POU2F1: variants seen among roughly 807,000 people sequenced by gnomAD.
The protein encoded by POU2F1 is POU class 2 homeobox 1, also known as POU domain, class 2, transcription factor 1.
A neutral mutation model predicts 84.9 loss-of-function variants in POU2F1; 16 were observed. The ratio of observed to expected loss-of-function variants is 0.19; its 90% confidence interval spans 0.13 to 0.29. POU2F1 has a LOEUF of 0.29. POU2F1 is among the 10% of genes least tolerant of loss of function. The pLI is 1.00. For missense variants in POU2F1, 738 were observed against 942.6 expected (o/e 0.78, Z 2.84); for synonymous variants, 368 against 368.3 (o/e 1.00, Z 0.01).
intron 1 of POU2F1, among the ~76,000 whole-genome samples, chr1:167,292,257 A>T (rs564021912): frequency 6.6e-6 from 1 of 152,216 alleles, no homozygotes; most frequent in Non-Finnish European, 1.5e-5. Flanking sequence ...TCAAGATAGG[A>T]TCTTGGTTTG....
At position 167,333,047 on chromosome 1, in the gene POU2F1, C is replaced by T. The variant is rs146673818; in HGVS notation, c.127+512C>T. Among the ~76,000 whole-genome samples the T allele has an allele frequency of 5.7e-3, 875 of 152,226 alleles. 13 individuals are homozygous for T. Among genetic ancestry groups the T allele is most frequent in the African/African-American group, 0.02 (823 of 41,528 alleles). Reference sequence around the variant, plus strand: ...GTAAATTTTATCTGCCCTACCTTTGCTATAAATTATATTAAAAGTTATGAT... The same window carrying T: ...GTAAATTTTATCTGCCCTACCTTTGTTATAAATTATATTAAAAGTTATGAT... On this transcript the variant is annotated intron_variant, in intron 2 of 15. Coordinates refer to ENST00000367866, the MANE Select transcript of POU2F1 (RefSeq NM_002697.4).
chr1:167,371,665 A>G (rs970106642), intron 4 of POU2F1, among the ~76,000 whole-genome samples: 1 of 152,218 alleles, frequency 6.6e-6, no homozygotes, highest in Non-Finnish European at 1.5e-5. Context: ...GGGCTATGAA[A>G]AAAATCTATA....
intron 13 of POU2F1, 118 bp from the exon 14 acceptor site, chr1:167,411,841 C>A: frequency 1.1e-6 from 1 of 927,108 alleles, no homozygotes; most frequent in Non-Finnish European, 1.6e-6. Flanking sequence ...TATTAAAGGA[C>A]AGCTTTACTA....
intron 2 of POU2F1, among the ~76,000 whole-genome samples, chr1:167,339,994 G>A (rs1657726089): frequency 6.6e-6 from 1 of 152,064 alleles, no homozygotes; most frequent in Admixed American, 6.5e-5. Context: ...TTATAAATAA[G>A]GGTCTCTTTT....
chr1:167,255,498 G>A (rs1459045046), intron 1 of POU2F1, among the ~76,000 whole-genome samples: 2 of 152,180 alleles, frequency 1.3e-5, no homozygotes, highest in Non-Finnish European at 2.9e-5. Flanking sequence ...TAGTTTTTAT[G>A]GTGCTGAAAA....
chr1:167,363,539 T>G (rs534373328), intron 2 of POU2F1, among the ~76,000 whole-genome samples: 1 of 152,296 alleles, frequency 6.6e-6, no homozygotes, highest in African/African-American at 2.4e-5. Context: ...ATGTGGCTTA[T>G]GGAAGTGACT....
At chr1:167,234,252 G>T (rs1226015892) in intron 1 of POU2F1, among the ~76,000 whole-genome samples, 1 of 152,186 alleles carries the variant, frequency 6.6e-6, no homozygotes, top group African/African-American at 2.4e-5. Context: ...GTGTGCTCTA[G>T]AATCAATTGT....
chr1:167,348,608 T>G (rs1658352537), intron 2 of POU2F1, among the ~76,000 whole-genome samples: 1 of 152,158 alleles, frequency 6.6e-6, no homozygotes, highest in Non-Finnish European at 1.5e-5. Context: ...AACTGAAACC[T>G]CCTCCTTTTT....
rs1647780007 is a variant in POU2F1, at chr1:167,384,094, G to C, written c.813+143G>C. The stretch of plus-strand genomic sequence containing the variant: ...CAGAAAATCAAAGCTAGGCTTATCA[G>C]CTCAATGCTACCAAATCAATATAGT... On this transcript the variant is annotated intron_variant, in intron 8 of 15. Transcript: ENST00000367866. 9.5e-6 allele frequency: 6 copies of C among 628,708 alleles called. No homozygotes were observed. The East Asian group carries it at 1.8e-4, about 19-fold the overall frequency. The allele number at this position is 628,708 out of a possible 1,614,324, so 38.9% of individuals were successfully genotyped here.
intron 6 of POU2F1, 41 bp downstream of exon 6, chr1:167,374,337 A>G (rs1290555700): frequency 6.6e-6 from 10 of 1,515,404 alleles, no homozygotes; most frequent in Non-Finnish European, 8.9e-6. Context: ...CAAGTGAGGA[A>G]TAAAGTGGCA....
intron 1 of POU2F1, among the ~76,000 whole-genome samples, chr1:167,327,916 G>A (rs111818366): frequency 3.3e-5 from 5 of 152,216 alleles, no homozygotes; most frequent in African/African-American, 1.2e-4. Flanking sequence ...AAAGAAAGGG[G>A]TAATAATGCT....
intron 13 of POU2F1, among the ~76,000 whole-genome samples, chr1:167,401,942 A>G (rs1049320811): frequency 2.6e-5 from 4 of 152,110 alleles, no homozygotes; most frequent in Admixed American, 6.5e-5. Context: ...TTGTATGTCA[A>G]TTTTCTTGGA....
intron 2 of POU2F1, among the ~76,000 whole-genome samples, chr1:167,344,892 A>G (rs1011703488): frequency 3.9e-5 from 6 of 152,180 alleles, no homozygotes; most frequent in African/African-American, 1.4e-4. Flanking sequence ...ATAAAAAGGA[A>G]TGAGATCGTG....
At chr1:167,287,420 A>G (rs1336176645) in intron 1 of POU2F1, among the ~76,000 whole-genome samples, 1 of 152,214 alleles carries the variant, frequency 6.6e-6, no homozygotes, top group Admixed American at 6.5e-5. Context: ...GTTTTCCAAT[A>G]TTAGCCTGTA....
intron 1 of POU2F1, among the ~76,000 whole-genome samples, chr1:167,318,734 C>T (rs1347183434): frequency 6.6e-6 from 1 of 152,118 alleles, no homozygotes; most frequent in Non-Finnish European, 1.5e-5. Flanking sequence ...AAATCCTAAA[C>T]AAATATTCAT....
chr1:167,379,885 G>C (rs1268742588), intron 7 of POU2F1: 1 of 151,940 alleles, frequency 6.6e-6, no homozygotes, highest in Admixed American at 6.5e-5. Flanking sequence ...TGATTTTTTG[G>C]TACTTGCAAA....
At chr1:167,393,164 A>T (rs991688105) in intron 9 of POU2F1, among the ~76,000 whole-genome samples, 1 of 152,188 alleles carries the variant, frequency 6.6e-6, no homozygotes, top group East Asian at 1.9e-4. Context: ...GATATAATAT[A>T]GTTAAGATTA....
At chr1:167,250,990 G>C (rs2102403587) in intron 1 of POU2F1, among the ~76,000 whole-genome samples, 1 of 152,252 alleles carries the variant, frequency 6.6e-6, no homozygotes, top group African/African-American at 2.4e-5. Context: ...TTCCTCAAGA[G>C]AACAGTAAAG....
intron 1 of POU2F1, among the ~76,000 whole-genome samples, chr1:167,286,299 T>A (rs1214335035): frequency 6.6e-6 from 1 of 152,204 alleles, no homozygotes; most frequent in East Asian, 1.9e-4. Context: ...TCAAATCAGA[T>A]ACCTGTCAGT....
Sources: gnomAD v4.1 joint callset for allele counts (sites outside exome capture counted in the v4.1 genomes callset) on GRCh38, gnomAD v4.1.1 for gene constraint, MANE v1.5 for transcripts, NCBI Gene and HGNC (gene_info 2026-07-23, HGNC 2026-07-21) for gene names.